CADM2: variants seen among roughly 807,000 people sequenced by gnomAD.
The protein encoded by CADM2 is immunoglobulin superfamily member 4D.
Under a neutral mutation model 49.8 loss-of-function variants are expected in CADM2, and 12 were observed. That is an observed-to-expected ratio of 0.24 (90% CI 0.15 to 0.39). CADM2 has a LOEUF of 0.39. CADM2 is among the 10% of genes least tolerant of loss of function. The pLI is 1.00. For missense variants in CADM2, 378 were observed against 492.3 expected, an observed-to-expected ratio of 0.77 and a Z score of 2.20; for synonymous variants, 214 against 175.4, an observed-to-expected ratio of 1.22 and a Z score of -1.74.
intron 1 of CADM2, among the ~76,000 whole-genome samples, chr3:85,093,479 T>G (rs564759680): frequency 6.7e-6 from 1 of 150,016 alleles, no homozygotes; most frequent in Admixed American, 6.7e-5. Flanking sequence ...ATCACACCAC[T>G]CCATCTCAAA....
intron 1 of CADM2, among the ~76,000 whole-genome samples, chr3:85,271,600 C>A (rs979943829): frequency 5.3e-5 from 8 of 151,048 alleles, no homozygotes; most frequent in African/African-American, 4.8e-5. Flanking sequence ...AGAATAATAA[C>A]CATATCTCCT....
At chr3:85,742,859 C>T (rs981968682) in intron 2 of CADM2, among the ~76,000 whole-genome samples, 4 of 152,090 alleles carry the variant, frequency 2.6e-5, no homozygotes, top group African/African-American at 9.7e-5. Flanking sequence ...TATCCAGCAC[C>T]GTCATTCTAC....
chr3:85,821,008 T>C (rs2073523323), intron 3 of CADM2, among the ~76,000 whole-genome samples: 1 of 152,208 alleles, frequency 6.6e-6, no homozygotes, highest in African/African-American at 2.4e-5. Flanking sequence ...CGTTGGCTAT[T>C]GTTTGTCCTG....
intron 1 of CADM2, among the ~76,000 whole-genome samples, chr3:85,410,680 A>G (rs558937249): frequency 6.6e-6 from 1 of 152,334 alleles, no homozygotes; most frequent in East Asian, 1.9e-4. Flanking sequence ...TTAAGCTACA[A>G]CAAGTTATTG....
intron 1 of CADM2, among the ~76,000 whole-genome samples, chr3:85,351,741 G>A (rs537931914): frequency 1.3e-5 from 2 of 152,120 alleles, no homozygotes; most frequent in African/African-American, 4.8e-5. Context: ...TAAAGCCTGG[G>A]CCTGTCTATA....
chr3:84,987,167 T>G (rs2032620650), intron 1 of CADM2, among the ~76,000 whole-genome samples: 1 of 151,948 alleles, frequency 6.6e-6, no homozygotes, highest in Non-Finnish European at 1.5e-5. Flanking sequence ...GCTATGAGTA[T>G]GTGTATGTGT....
chr3:85,325,553 T>C (rs2044728384), intron 1 of CADM2, among the ~76,000 whole-genome samples: 1 of 151,836 alleles, frequency 6.6e-6, no homozygotes, highest in South Asian at 2.1e-4. Flanking sequence ...CTGCTAAAAA[T>C]ACAAAAATTA....
At chr3:85,580,972 A>G (rs1208835863) in intron 1 of CADM2, among the ~76,000 whole-genome samples, 1 of 151,952 alleles carries the variant, frequency 6.6e-6, no homozygotes, top group Non-Finnish European at 1.5e-5. Context: ...CTATATACAC[A>G]CATTTAAAAT....
At chr3:85,420,583 C>T (rs1051738678) in intron 1 of CADM2, among the ~76,000 whole-genome samples, 1 of 152,014 alleles carries the variant, frequency 6.6e-6, no homozygotes, top group African/African-American at 2.4e-5. Context: ...TATTTTTTTT[C>T]TTCCAGGTTT....
At chr3:85,484,877 A>T (rs895419965) in intron 1 of CADM2, among the ~76,000 whole-genome samples, 1 of 151,894 alleles carries the variant, frequency 6.6e-6, no homozygotes, top group African/African-American at 2.4e-5. Context: ...CATATGATAG[A>T]GTTTGGATTT....
intron 1 of CADM2, among the ~76,000 whole-genome samples, chr3:85,431,155 G>T (rs540152291): frequency 1.3e-5 from 2 of 151,924 alleles, no homozygotes; most frequent in Non-Finnish European, 2.9e-5. Context: ...AACATATTTC[G>T]CAGGTTTGTA....
chr3:85,232,127 T>C lies in CADM2; in HGVS notation c.61+272459T>C, dbSNP rs548821833. Among the ~76,000 whole-genome samples the C allele has an allele frequency of 3.7e-4, 43 of 117,436 alleles. No homozygotes were observed. The Admixed American group carries it at 3.8e-3, about 10-fold the overall frequency. The allele number at this position is 117,436 out of a possible 152,430, so 77.0% of individuals were successfully genotyped here. On this transcript the variant is annotated intron_variant, in intron 1 of 9. Transcript: ENST00000383699. Reference sequence around the variant, plus strand: ...CCTTTTTTTGTGTTATTTTGTTCGATTTGAAGATATTATTATTATTATTAT... The same window carrying C: ...CCTTTTTTTGTGTTATTTTGTTCGACTTGAAGATATTATTATTATTATTAT...
intron 1 of CADM2, among the ~76,000 whole-genome samples, chr3:85,670,035 C>T (rs2107631269): frequency 6.6e-6 from 1 of 152,080 alleles, no homozygotes; most frequent in African/African-American, 2.4e-5. Context: ...TTTCAGTTTC[C>T]TTATCTGTAA....
intron 1 of CADM2, among the ~76,000 whole-genome samples, chr3:85,376,627 C>CTATT (rs1220482628): frequency 1.3e-5 from 2 of 151,900 alleles, no homozygotes; most frequent in East Asian, 3.9e-4. Flanking sequence ...TGATGGTTTA[C>CTATT]TATTTATTTG....
chr3:85,616,699 T>C (rs964616386), intron 1 of CADM2, among the ~76,000 whole-genome samples: 6 of 152,168 alleles, frequency 3.9e-5, no homozygotes, highest in African/African-American at 7.2e-5. Context: ...TAATAAATTA[T>C]AGCAAGTTGT....
intron 1 of CADM2, among the ~76,000 whole-genome samples, chr3:84,985,065 C>A (rs531876139): frequency 6.6e-6 from 1 of 152,086 alleles, no homozygotes; most frequent in South Asian, 2.1e-4. Flanking sequence ...ATTTTTGGTA[C>A]GTGGGTTTAT....
chr3:85,621,241 A>G (rs2063968080), intron 1 of CADM2, among the ~76,000 whole-genome samples: 1 of 152,156 alleles, frequency 6.6e-6, no homozygotes, highest in African/African-American at 2.4e-5. Flanking sequence ...TAAAAAAGCA[A>G]CATAACCATA....
At chr3:85,457,885 T>C (rs1365048920) in intron 1 of CADM2, among the ~76,000 whole-genome samples, 1 of 152,216 alleles carries the variant, frequency 6.6e-6, no homozygotes, top group African/African-American at 2.4e-5. Context: ...CAATTCTTTT[T>C]GGCATTTGAA....
At chr3:86,050,950 G>A (rs1014251770) in intron 8 of CADM2, among the ~76,000 whole-genome samples, 4 of 152,076 alleles carry the variant, frequency 2.6e-5, no homozygotes, top group African/African-American at 9.7e-5. Context: ...CATTATCTTG[G>A]CTTTTTACTT....
Sources: gnomAD v4.1 joint callset for allele counts (sites outside exome capture counted in the v4.1 genomes callset) on GRCh38, gnomAD v4.1.1 for gene constraint, MANE v1.5 for transcripts, NCBI Gene and HGNC (gene_info 2026-07-23, HGNC 2026-07-21) for gene names.